Variants in TMEM184A observed in about 807,000 individuals in gnomAD.
The protein encoded by TMEM184A is sexually dimorphic, expressed in male gonads 1.
In TMEM184A, 40 loss-of-function variants were observed where a neutral mutation model predicts 39.5. The ratio of observed to expected loss-of-function variants is 1.01; its 90% CI spans 0.79 to 1.32. The LOEUF is 1.32. Ranked by LOEUF, TMEM184A falls within the 40% of genes most tolerant of loss-of-function variation. TMEM184A has a pLI of 0.00. For synonymous variants in TMEM184A, 280 were observed against 252.3 expected (o/e 1.11, Z -1.04); for missense variants, 603 against 568.8 (o/e 1.06, Z -0.61).
At chr7:1,548,194 G>A (rs1039990315) in intron 7 of TMEM184A, among the ~76,000 whole-genome samples, 3 of 152,326 alleles carry the variant, frequency 2.0e-5, no homozygotes, top group Admixed American at 2.0e-4. Flanking sequence ...GCCCTGTCTG[G>A]TGGCCATCCT....
intron 6 of TMEM184A, 66 bp from the exon 7 acceptor site, chr7:1,548,754 C>T (rs542342073): frequency 6.5e-5 from 102 of 1,565,658 alleles, no homozygotes; most frequent in African/African-American, 2.2e-4. Context: ...ACCCTAGAGC[C>T]ACCGCCGCTG....
chr7:1,553,206 G>A (rs941674051), intron 2 of TMEM184A, among the ~76,000 whole-genome samples: 3 of 151,854 alleles, frequency 2.0e-5, no homozygotes, highest in Admixed American at 6.6e-5. Context: ...AGGCTGGGGT[G>A]CAGTGGCGCA....
rs572872128 is a variant in TMEM184A, at chr7:1,544,068, G to T, written c.*2884C>A. 6.6e-6 allele frequency: 1 copy of T among 152,306 alleles called. No homozygotes were observed. The highest frequency in any genetic ancestry group is 1.5e-5 in the Non-Finnish European group (1 of 68,094). 9.4% of individuals were successfully genotyped at this position (152,306 alleles called of 1,614,324 possible). A position where few individuals can be genotyped will look rare whatever the true frequency, so the allele number is the denominator to read the frequency against. On this transcript the variant is annotated 3_prime_UTR_variant, in exon 9 of 9. Transcript: ENST00000297477. ...CAGTGAGTGTTGAATCTGTGCTGGG[G>T]CCACAGCAGCCCGAGCTTGTCACTA...
intron 7 of TMEM184A, 84 bp downstream of exon 7, chr7:1,548,435 G>A (rs1784434389): frequency 6.9e-7 from 1 of 1,459,822 alleles, no homozygotes; most frequent in African/African-American, 1.4e-5. Flanking sequence ...GTGGGGGCTG[G>A]GGAAAGGGGT....
chr7:1,550,202 C>T lies in TMEM184A; in HGVS notation c.477-4G>A, dbSNP rs757170085. 6.2e-6 allele frequency: 10 copies of T among 1,606,466 alleles called. No individual in the cohort carries two copies. The highest frequency in any genetic ancestry group is 1.1e-5 in the South Asian group (1 of 90,306). The stretch of plus-strand genomic sequence containing the variant: ...GGTGCCGTACAAGCAGCTGGACCTG[C>T]GGGGGACGTCCCTGAGCCGGTGCGG... On this transcript the variant is annotated splice_polypyrimidine_tract_variant and splice_region_variant and intron_variant, in intron 4 of 8. Coordinates refer to ENST00000297477, the MANE Select transcript of TMEM184A (RefSeq NM_001097620.2).
In TMEM184A at chr7:1,550,124, T is replaced by A; in HGVS notation, c.551A>T (p.Gln184Leu). ...GGGCAGGGCTGGGTGGCCCCTCACC[T>A]GCTTACAGAAGCGCAGGAACCCGAT... Reference protein sequence around the residue: ...YSIGFLRFCKQATLQFCLVKP... With the variant: ...YSIGFLRFCKLATLQFCLVKP... The change falls in exon 5 of 9, where the codon CAG becomes CTG. Residue 184 changes from glutamine (Q) to leucine (L), a missense_variant and splice_region_variant. Gln to Leu is a moderately radical substitution (Grantham distance 113, BLOSUM62 -2). Transcript: ENST00000297477. The A allele has an allele frequency of 6.2e-7, 1 of 1,602,188 alleles. No individual in the cohort carries two copies. The highest frequency in any genetic ancestry group is 1.1e-5 in the South Asian group (1 of 89,880).
intron 3 of TMEM184A, 84 bp downstream of exon 3, chr7:1,550,733 C>A: frequency 6.5e-7 from 1 of 1,528,762 alleles, no homozygotes; most frequent in Non-Finnish European, 8.9e-7. Context: ...GCCCTGGGGA[C>A]TGGCCATGGA....
In TMEM184A at chr7:1,547,048, C is replaced by T. The variant is rs368889455; in HGVS notation, c.1146G>A (p.Ala382=). 97 of 1,607,638 alleles carry T rather than the reference C, an allele frequency of 6.0e-5. No individual in the cohort carries two copies. The highest frequency in any genetic ancestry group is 1.5e-4 in the Admixed American group (9 of 59,912). Residue 382 remains alanine, a synonymous_variant, in exon 9 of 9, where the codon GCG becomes GCA. Coordinates refer to ENST00000297477, the MANE Select transcript of TMEM184A (RefSeq NM_001097620.2). ...QHYTQQATHE[A]PRPGTHPSGG... is the part of the protein sequence containing the mutation. The stretch of plus-strand genomic sequence containing the variant: ...CGCTGGGGTGGGTGCCGGGCCTGGG[C>T]GCCTCGTGCGTGGCCTGCTGCGTGT...
Position 1,555,936 on chromosome 7 carries a change from C to G in TMEM184A, c.-1+178G>C, listed in dbSNP as rs1778547359. 4.3e-6 allele frequency: 1 copy of G among 230,648 alleles called. No homozygotes were observed. The highest frequency in any genetic ancestry group is 8.5e-6 in the Non-Finnish European group (1 of 117,420). 14.3% of individuals were successfully genotyped at this position (230,648 alleles called of 1,614,324 possible). The stretch of plus-strand genomic sequence containing the variant: ...CATGGGAGGAGCCGGCCCTCACTGG[C>G]TCTGGGACCTGTCCACCCACCTGGG... On this transcript the variant is annotated intron_variant, in intron 1 of 8. Transcript: ENST00000297477. The surrounding 1 kb of genome is among the most constrained non-coding windows in gnomAD (Gnocchi z 5.2).
intron 3 of TMEM184A, 43 bp from the exon 4 acceptor site, chr7:1,550,438 G>A (rs749711567): frequency 2.6e-6 from 4 of 1,521,538 alleles, no homozygotes; most frequent in Non-Finnish European, 3.6e-6. Context: ...GCCCTGAGCT[G>A]CACCGGGACC....
Position 1,555,581 on chromosome 7 carries a change from C to G in TMEM184A, c.1-97G>C. 1 of 939,434 alleles carries G rather than the reference C, an allele frequency of 1.1e-6. No individual in the cohort carries two copies. Among genetic ancestry groups the G allele is most frequent in the Non-Finnish European group, 1.7e-6 (1 of 596,842 alleles). 58.2% of individuals were successfully genotyped at this position (939,434 alleles called of 1,614,324 possible). ...GCGGGGGAGGGAGGAGACAGTGAGA[C>G]GGGAGCTGAGGCTGAGCCACCCACC... On this transcript the variant is annotated intron_variant, in intron 1 of 8. Transcript: ENST00000297477. This position sits in a 1 kb window ranked among gnomAD's most constrained non-coding sequence, Gnocchi z 5.2.
intron 6 of TMEM184A, chr7:1,549,619 G>C (rs1321772902): frequency 3.1e-6 from 2 of 639,116 alleles, no homozygotes; most frequent in Non-Finnish European, 6.0e-6. Flanking sequence ...TGGAGAAGAA[G>C]TGGGTACCTG....
At position 1,542,472 on chromosome 7, in the gene TMEM184A, G is replaced by A. The variant is rs1347979791; in HGVS notation, c.*4480C>T. 2.6e-5 allele frequency: 4 copies of A among 152,374 alleles called. No individual in the cohort carries two copies. Among genetic ancestry groups the A allele is most frequent in the African/African-American group, 9.6e-5 (4 of 41,456 alleles). 9.4% of individuals were successfully genotyped at this position (152,374 alleles called of 1,614,324 possible). On this transcript the variant is annotated 3_prime_UTR_variant, in exon 9 of 9. Coordinates refer to ENST00000297477, the MANE Select transcript of TMEM184A (RefSeq NM_001097620.2). ...CGGGTGGCCGGTTCTGTCCCGTCTT[G>A]GGGTTCTTGGTGTCCACGTCTTGTG...
At position 1,549,774 on chromosome 7, in the gene TMEM184A, G is replaced by A. The variant is rs575183784; in HGVS notation, c.644+80C>T. On this transcript the variant is annotated intron_variant, in intron 6 of 8. Coordinates refer to ENST00000297477, the MANE Select transcript of TMEM184A (RefSeq NM_001097620.2). ...TTGAGCCCAGCTGGACGCCAAGTCC[G>A]CCTCGTTGGGCCCCACTCCCGGGCC... is the stretch of plus-strand genomic sequence containing the variant. 2.2e-4 allele frequency: 292 copies of A among 1,325,080 alleles called. 1 individual carries two copies. Among genetic ancestry groups the A allele is most frequent in the Admixed American group, 2.6e-4 (12 of 46,286 alleles). The allele number at this position is 1,325,080 out of a possible 1,614,324, so 82.1% of individuals were successfully genotyped here.
Position 1,551,065 on chromosome 7 carries a change from G to T in TMEM184A, c.220-83C>A, listed in dbSNP as rs1433401409. On this transcript the variant is annotated intron_variant, in intron 2 of 8. Coordinates refer to ENST00000297477, the MANE Select transcript of TMEM184A (RefSeq NM_001097620.2). The stretch of plus-strand genomic sequence containing the variant: ...CAGGTGAGCCGGGAAGGAGGTGGGG[G>T]TGGGTGCAGGAGGGTTTGGGTGAGA... The T allele has an allele frequency of 4.3e-5, 63 of 1,451,894 alleles. 1 individual carries two copies. Among genetic ancestry groups the T allele is most frequent in the Non-Finnish European group, 5.3e-5 (57 of 1,085,154 alleles). 89.9% of individuals were successfully genotyped at this position (1,451,894 alleles called of 1,614,324 possible).
intron 2 of TMEM184A, among the ~76,000 whole-genome samples, chr7:1,554,519 A>G (rs1001474082): frequency 1.5e-4 from 23 of 150,750 alleles, no homozygotes; most frequent in African/African-American, 5.1e-4. Context: ...ACGCACTCCC[A>G]CCCCACCCCT....
chr7:1,551,164 CGCGTG>C (rs1442252980), intron 2 of TMEM184A, among the ~76,000 whole-genome samples, 182 bp from the exon 3 acceptor site: 1 of 47,742 alleles, frequency 2.1e-5, no homozygotes, highest in Non-Finnish European at 4.1e-5. Flanking sequence ...CAGGAGGGTT[CGCGTG>C]AGAGCCGGGC....
rs1461933057 is a variant in TMEM184A at position 1,546,991 on chromosome 7, G to A, written c.1203C>T (p.Ser401=). 6.3e-7 allele frequency: 1 copy of A among 1,592,334 alleles called. No homozygotes were observed. The highest frequency in any genetic ancestry group is 1.4e-5 in the African/African-American group (1 of 72,734). ...GGSGGSRKSR[S]LEKRMLIPSE... is the part of the protein sequence containing the mutation. ...AGGGGATCAGCATCCGCTTCTCCAG[G>A]CTCCGGCTCTTCCTGCTCCCGCCGG... Residue 401 remains serine (S), a synonymous_variant, in exon 9 of 9, where the codon AGC becomes AGT. Coordinates refer to ENST00000297477, the MANE Select transcript of TMEM184A (RefSeq NM_001097620.2).
chr7:1,551,221 C>G (rs569702822), intron 2 of TMEM184A, among the ~76,000 whole-genome samples: 96 of 126,264 alleles, frequency 7.6e-4, no homozygotes, highest in African/African-American at 2.6e-3. Flanking sequence ...GCCGGGTCCA[C>G]CCGGTACCCC....
Sources: allele counts gnomAD v4.1 joint callset (sites outside exome capture counted in the v4.1 genomes callset), GRCh38; gene constraint gnomAD v4.1.1; non-coding constraint Gnocchi (gnomAD v3.1); transcripts MANE v1.5; gene names NCBI Gene and HGNC (gene_info 2026-07-23, HGNC 2026-07-21).